Variants in ZFHX4 observed in about 807,000 individuals in gnomAD.
ZFHX4 encodes zinc finger homeobox protein 4.
ZFHX4 carries 56 observed loss-of-function variants against 267.6 expected under a neutral mutation model. The observed-to-expected ratio is 0.21, with a 90% CI of 0.17 to 0.26. The LOEUF (loss-of-function observed/expected upper bound fraction) is 0.26. Among genes scored for constraint, ZFHX4 ranks in the 10% least tolerant of loss-of-function variants. The pLI is 1.00. For synonymous variants in ZFHX4, 1,778 were observed against 1,665.6 expected (o/e 1.07, Z -1.64); for missense variants, 4,332 against 4,420.0 (o/e 0.98, Z 0.56).
chr8:76,787,820 G>GA (rs1313894215), intron 4 of ZFHX4, among the ~76,000 whole-genome samples: 1 of 151,272 alleles, frequency 6.6e-6, no homozygotes, highest in Admixed American at 6.6e-5. Context: ...CTCAAAAAAA[G>GA]AAAAAAGAAA....
At chr8:76,842,980 C>G (rs1054746109) in intron 6 of ZFHX4, among the ~76,000 whole-genome samples, 2 of 152,162 alleles carry the variant, frequency 1.3e-5, no homozygotes, top group African/African-American at 2.4e-5. Context: ...TTAATCATAA[C>G]CATCTGACAG....
chr8:76,712,068 A>G (rs897931986), intron 3 of ZFHX4, among the ~76,000 whole-genome samples: 3 of 152,218 alleles, frequency 2.0e-5, no homozygotes, highest in African/African-American at 7.2e-5. Flanking sequence ...GTAGTGAAGC[A>G]GAGTAGTCTG....
intron 4 of ZFHX4, among the ~76,000 whole-genome samples, chr8:76,806,831 C>T (rs1454493083): frequency 6.6e-6 from 1 of 151,972 alleles, no homozygotes; most frequent in Non-Finnish European, 1.5e-5. Context: ...CATAAAGATG[C>T]CTTTTTCACC....
At chr8:76,768,597 A>G (rs1355984975) in intron 3 of ZFHX4, among the ~76,000 whole-genome samples, 2 of 152,176 alleles carry the variant, frequency 1.3e-5, no homozygotes, top group Non-Finnish European at 2.9e-5. Context: ...TCTGTCTTGT[A>G]TCATCAACAG....
chr8:76,753,906 G>A (rs12541719), intron 3 of ZFHX4, among the ~76,000 whole-genome samples: 6,484 of 151,606 alleles, frequency 0.043, 267 homozygotes, highest in East Asian at 0.22. Flanking sequence ...GGGATCACCG[G>A]CATGAGCCAC....
At chr8:76,841,135 G>T (rs937638371) in intron 5 of ZFHX4, among the ~76,000 whole-genome samples, 1 of 152,160 alleles carries the variant, frequency 6.6e-6, no homozygotes, top group Non-Finnish European at 1.5e-5. Context: ...GATTTGTATG[G>T]TGCCTTTGAG....
At chr8:76,826,099 G>A (rs1471532290) in intron 4 of ZFHX4, among the ~76,000 whole-genome samples, 1 of 152,166 alleles carries the variant, frequency 6.6e-6, no homozygotes, top group African/African-American at 2.4e-5. Flanking sequence ...CTTGGTGATG[G>A]CCTCAGTAAG....
chr8:76,709,651 G>A (rs1041737878), intron 3 of ZFHX4, among the ~76,000 whole-genome samples: 12 of 152,098 alleles, frequency 7.9e-5, no homozygotes, highest in South Asian at 2.1e-4. Flanking sequence ...GTTGTGAATG[G>A]AAGATATAAA....
intron 4 of ZFHX4, among the ~76,000 whole-genome samples, chr8:76,788,829 G>A (rs1810762400): frequency 6.6e-6 from 1 of 152,130 alleles, no homozygotes; most frequent in African/African-American, 2.4e-5. Flanking sequence ...TGGGGTCTGG[G>A]CCATACTAAG....
In ZFHX4 at chr8:76,724,089, C is replaced by T. The variant is rs1808793500; in HGVS notation, c.3093+16041C>T. ...AGGCATTCTAGAAATGGCTGTATAT[C>T]CAGTTGACAAATCTGAAATGAATAT... On this transcript the variant is annotated intron_variant, in intron 3 of 10. Transcript: ENST00000651372. 2.0e-5 allele frequency among the ~76,000 whole-genome samples: 3 copies of T among 151,982 alleles called. No homozygotes were observed. The South Asian group carries it at 6.2e-4, about 32-fold the overall frequency.
intron 6 of ZFHX4, among the ~76,000 whole-genome samples, chr8:76,847,931 G>C (rs1343803514): frequency 6.6e-6 from 1 of 152,210 alleles, no homozygotes; most frequent in South Asian, 2.1e-4. Flanking sequence ...CGTGGGGTCT[G>C]ATAGCAATCA....
chr8:76,779,257 C>T (rs1417618018), intron 4 of ZFHX4, among the ~76,000 whole-genome samples: 1 of 152,030 alleles, frequency 6.6e-6, no homozygotes, highest in African/African-American at 2.4e-5. Flanking sequence ...TTAAAAAGTC[C>T]GTTTTCCCTT....
chr8:76,698,978 A>C (rs1454684726), intron 1 of ZFHX4, among the ~76,000 whole-genome samples: 3 of 152,158 alleles, frequency 2.0e-5, no homozygotes, highest in Non-Finnish European at 4.4e-5. Flanking sequence ...AGAGCCCTGA[A>C]ACATCAGCAG....
At chr8:76,841,988 G>T (rs1284582372) in intron 5 of ZFHX4, among the ~76,000 whole-genome samples, 1 of 152,130 alleles carries the variant, frequency 6.6e-6, no homozygotes, top group Non-Finnish European at 1.5e-5. Context: ...ATTAAATAGG[G>T]TTGAGTTACT....
rs73237588 is a variant in ZFHX4 at position 76,823,598 on chromosome 8, A to G, written c.3326-9740A>G. Among the ~76,000 whole-genome samples, 596 of 152,282 alleles carry G rather than the reference A, an allele frequency of 3.9e-3. 7 individuals are homozygous for G. The highest frequency in any genetic ancestry group is 0.013 in the African/African-American group (560 of 41,568). On this transcript the variant is annotated intron_variant, in intron 4 of 10. Transcript: ENST00000651372. Reference sequence around the variant, plus strand: ...TCAATCACTGCCTAGGTCAGATCTCATAAGTATAATTTGGTGTATATAACT... The same window carrying G: ...TCAATCACTGCCTAGGTCAGATCTCGTAAGTATAATTTGGTGTATATAACT...
chr8:76,719,911 T>A (rs758170642), intron 3 of ZFHX4, among the ~76,000 whole-genome samples: 3 of 152,160 alleles, frequency 2.0e-5, no homozygotes, highest in African/African-American at 7.2e-5. Flanking sequence ...TAAAGTGATA[T>A]GCTACAAAAT....
In ZFHX4 at chr8:76,706,093, G is replaced by A. The variant is rs1352474151; in HGVS notation, c.2005G>A (p.Glu669Lys). 1 of 1,613,622 alleles carries A rather than the reference G, an allele frequency of 6.2e-7. No homozygotes were observed. The highest frequency in any genetic ancestry group is 8.5e-7 in the Non-Finnish European group (1 of 1,179,790). Residue 669 changes from glutamate to lysine, a missense_variant, in exon 2 of 11, where the codon GAG (glutamate) becomes AAG (lysine). By Grantham distance (56) the Glu-to-Lys change is moderately conservative. This residue lies in a region of ZFHX4 where 1,195 missense variants were observed against 1,173.6 expected (regional missense o/e 1.02). Transcript: ENST00000651372. ...LEAHMKEKHPEPGGSCVYCKT... is the reference protein window; with the variant it reads ...LEAHMKEKHPKPGGSCVYCKT... ...GGCCCATATGAAGGAGAAACACCCT[G>A]AGCCGGGTGGCTCTTGTGTTTATTG...
chr8:76,734,208 C>G (rs527872356), intron 3 of ZFHX4, among the ~76,000 whole-genome samples: 10 of 152,216 alleles, frequency 6.6e-5, no homozygotes, highest in Non-Finnish European at 1.3e-4. Context: ...ACATCTGTTA[C>G]AGATTTTCTG....
At chr8:76,739,649 G>A (rs1043485773) in intron 3 of ZFHX4, among the ~76,000 whole-genome samples, 1 of 152,090 alleles carries the variant, frequency 6.6e-6, no homozygotes, top group Non-Finnish European at 1.5e-5. Context: ...GGGGTAAGCA[G>A]GGAGGGATAA....
Sources: allele counts gnomAD v4.1 joint callset (sites outside exome capture counted in the v4.1 genomes callset), GRCh38; gene constraint gnomAD v4.1.1; regional missense constraint gnomAD v4.1.1; transcripts MANE v1.5; gene names NCBI Gene and HGNC (gene_info 2026-07-23, HGNC 2026-07-21).